Variants in LRMDA observed in about 807,000 individuals in gnomAD.
LRMDA encodes leucine-rich melanocyte differentiation-associated protein.
In LRMDA, 18 loss-of-function variants were observed where a neutral mutation model predicts 29.8. The observed-to-expected ratio is 0.60, with a 90% confidence interval of 0.42 to 0.90. LRMDA has a LOEUF of 0.90. Ranked by LOEUF, LRMDA falls within the 40% of genes least tolerant of loss-of-function variation. The pLI is 0.00. For synonymous variants in LRMDA, 125 were observed against 109.4 expected, an observed-to-expected ratio of 1.14 and a Z score of -0.89; for missense variants, 273 against 273.9, an observed-to-expected ratio of 1.00 and a Z score of 0.02.
At chr10:75,979,737 C>T (rs1847132890) in intron 2 of LRMDA, among the ~76,000 whole-genome samples, 1 of 152,112 alleles carries the variant, frequency 6.6e-6, no homozygotes, top group Non-Finnish European at 1.5e-5. Flanking sequence ...CATGTTTCTT[C>T]CCACACCCCA....
At chr10:76,104,684 A>G (rs1849451012) in intron 5 of LRMDA, among the ~76,000 whole-genome samples, 1 of 152,078 alleles carries the variant, frequency 6.6e-6, no homozygotes, top group Non-Finnish European at 1.5e-5. Flanking sequence ...TTAAAATCCC[A>G]GGTGAATATG....
At chr10:75,685,923 T>C (rs1056223753) in intron 2 of LRMDA, among the ~76,000 whole-genome samples, 1 of 152,204 alleles carries the variant, frequency 6.6e-6, no homozygotes, top group Admixed American at 6.5e-5. Flanking sequence ...TCTAAGTGCT[T>C]TACATGCACC....
At chr10:75,625,983 C>G (rs1758384459) in intron 2 of LRMDA, among the ~76,000 whole-genome samples, 1 of 151,846 alleles carries the variant, frequency 6.6e-6, no homozygotes, top group South Asian at 2.1e-4. Flanking sequence ...CCTTGAGTAG[C>G]TGGAACTACA....
chr10:76,010,680 A>G (rs1847764017), intron 2 of LRMDA, among the ~76,000 whole-genome samples: 2 of 151,144 alleles, frequency 1.3e-5, no homozygotes, highest in Non-Finnish European at 2.9e-5. Flanking sequence ...TTACCCTCCC[A>G]CTCCCCCTCT....
chr10:76,139,981 C>T (rs1351831508), intron 5 of LRMDA, among the ~76,000 whole-genome samples: 1 of 152,028 alleles, frequency 6.6e-6, no homozygotes, highest in Admixed American at 6.6e-5. Flanking sequence ...AGTGGGGTGA[C>T]TGAAATCAAT....
At chr10:76,282,643 G>T (rs1207398814) in intron 5 of LRMDA, among the ~76,000 whole-genome samples, 1 of 152,160 alleles carries the variant, frequency 6.6e-6, no homozygotes, top group Non-Finnish European at 1.5e-5. Context: ...TTATATATCT[G>T]CAAGCGTGCT....
intron 2 of LRMDA, among the ~76,000 whole-genome samples, chr10:75,957,701 G>T (rs764130904): frequency 6.6e-6 from 1 of 152,164 alleles, no homozygotes; most frequent in Non-Finnish European, 1.5e-5. Context: ...ACAGCAATGG[G>T]GTTAGAGAGG....
chr10:75,790,729 C>G (rs1843551564), intron 2 of LRMDA, among the ~76,000 whole-genome samples: 1 of 152,168 alleles, frequency 6.6e-6, no homozygotes, highest in Non-Finnish European at 1.5e-5. Flanking sequence ...GTGAACCAGT[C>G]TATTCCCCAG....
At chr10:75,749,241 T>C (rs1477900964) in intron 2 of LRMDA, among the ~76,000 whole-genome samples, 1 of 152,208 alleles carries the variant, frequency 6.6e-6, no homozygotes, top group Non-Finnish European at 1.5e-5. Flanking sequence ...AAGGCTGCAG[T>C]ATGTAATACA....
chr10:76,500,043 A>G (rs1239247780), intron 6 of LRMDA, among the ~76,000 whole-genome samples: 1 of 74,320 alleles, frequency 1.3e-5, no homozygotes, highest in African/African-American at 3.3e-5. Context: ...CTAATATTTA[A>G]GATTTTTTTG....
At chr10:75,546,720 C>T (rs1234125871) in intron 2 of LRMDA, among the ~76,000 whole-genome samples, 3 of 151,984 alleles carry the variant, frequency 2.0e-5, no homozygotes, top group South Asian at 2.1e-4. Flanking sequence ...TTACTGTAGT[C>T]CGGAGAGAAG....
intron 2 of LRMDA, among the ~76,000 whole-genome samples, chr10:75,513,672 A>G (rs1845254206): frequency 6.6e-6 from 1 of 152,110 alleles, no homozygotes; most frequent in South Asian, 2.1e-4. Flanking sequence ...CCAGCTTCTA[A>G]GGCTGCTAGC....
At chr10:75,613,978 G>GAACC (rs1280218282) in intron 2 of LRMDA, among the ~76,000 whole-genome samples, 1 of 152,112 alleles carries the variant, frequency 6.6e-6, no homozygotes, top group Non-Finnish European at 1.5e-5. Flanking sequence ...TCCAAACAGG[G>GAACC]AACCATATGG....
intron 2 of LRMDA, among the ~76,000 whole-genome samples, chr10:75,589,528 G>A (rs984327588): frequency 7.2e-5 from 11 of 151,970 alleles, no homozygotes; most frequent in South Asian, 2.1e-4. Context: ...TGAGGCAGGC[G>A]GACTGCTTAA....
chr10:75,448,871 G>T (rs920418357), intron 2 of LRMDA, among the ~76,000 whole-genome samples: 53 of 152,222 alleles, frequency 3.5e-4, no homozygotes, highest in African/African-American at 1.2e-3. Context: ...TCATGTTTAG[G>T]CTGGGTACAG....
At chr10:76,082,309 A>G (rs1849061906) in intron 5 of LRMDA, among the ~76,000 whole-genome samples, 1 of 152,154 alleles carries the variant, frequency 6.6e-6, no homozygotes, top group Non-Finnish European at 1.5e-5. Flanking sequence ...CCCTTGCCTC[A>G]GGCTTGATTT....
intron 2 of LRMDA, among the ~76,000 whole-genome samples, chr10:75,751,730 C>G (rs1842971469): frequency 6.6e-6 from 1 of 151,826 alleles, no homozygotes; most frequent in African/African-American, 2.4e-5. Context: ...ACTCTTAGGA[C>G]ATCCCCTTTC....
chr10:75,854,683 A>G (rs1451678521), intron 2 of LRMDA, among the ~76,000 whole-genome samples: 2 of 152,014 alleles, frequency 1.3e-5, no homozygotes, highest in African/African-American at 4.8e-5. Context: ...TCGTCACTTA[A>G]CATTAAGTAT....
chr10:75,732,249 TG>T (rs1017773771), intron 2 of LRMDA, among the ~76,000 whole-genome samples: 1 of 152,138 alleles, frequency 6.6e-6, no homozygotes, highest in Non-Finnish European at 1.5e-5. Context: ...ACCTAACGAC[TG>T]GGTATGCTTA....
Sources: allele counts gnomAD v4.1 joint callset (sites outside exome capture counted in the v4.1 genomes callset), GRCh38; gene constraint gnomAD v4.1.1; transcripts MANE v1.5; gene names NCBI Gene and HGNC (gene_info 2026-07-23, HGNC 2026-07-21).